The following RIMS2 variants were observed in gnomAD, a reference collection of about 807,000 sequenced individuals.
The protein encoded by RIMS2 is regulating synaptic membrane exocytosis protein 2.
In RIMS2, 59 loss-of-function variants were observed where a neutral mutation model predicts 174.4. That is an observed-to-expected ratio of 0.34 (90% CI 0.27 to 0.42). The LOEUF is 0.42. Among genes scored for constraint, RIMS2 ranks in the 10% least tolerant of loss-of-function variants. The pLI is 1.00. For synonymous variants in RIMS2, 606 were observed against 572.5 expected (o/e 1.06, Z -0.84); for missense variants, 1,620 against 1,666.3 (o/e 0.97, Z 0.48).
chr8:103,638,047 T>C (rs2096129566), intron 1 of RIMS2, among the ~76,000 whole-genome samples: 1 of 152,044 alleles, frequency 6.6e-6, no homozygotes, highest in African/African-American at 2.4e-5. Context: ...ACCACAGTGG[T>C]ATCACATCAT....
intron 19 of RIMS2, among the ~76,000 whole-genome samples, chr8:104,023,366 A>G (rs1223372673): frequency 6.6e-6 from 1 of 152,108 alleles, no homozygotes; most frequent in Non-Finnish European, 1.5e-5. Context: ...AACAGGGAAC[A>G]TTGTTAGAAG....
intron 19 of RIMS2, among the ~76,000 whole-genome samples, chr8:104,190,522 C>T (rs2098992042): frequency 6.6e-6 from 1 of 151,970 alleles, no homozygotes; most frequent in Non-Finnish European, 1.5e-5. Context: ...GCCTGAATTT[C>T]CTTTTTAGGC....
chr8:104,004,582 G>A (rs1354859792), intron 17 of RIMS2, among the ~76,000 whole-genome samples: 1 of 152,158 alleles, frequency 6.6e-6, no homozygotes, highest in Non-Finnish European at 1.5e-5. Context: ...TCAAGAAAGT[G>A]TGAAGGAGAA....
At chr8:103,924,357 A>G (rs932622416) in intron 10 of RIMS2, among the ~76,000 whole-genome samples, 2 of 151,652 alleles carry the variant, frequency 1.3e-5, no homozygotes, top group African/African-American at 4.8e-5. Flanking sequence ...TTTTATTCTT[A>G]TATTTTTGCA....
At chr8:103,670,447 A>G (rs2096730663) in intron 1 of RIMS2, among the ~76,000 whole-genome samples, 1 of 152,240 alleles carries the variant, frequency 6.6e-6, no homozygotes, top group Non-Finnish European at 1.5e-5. Flanking sequence ...TCTTCATAGA[A>G]AATGGGTTTT....
intron 2 of RIMS2, among the ~76,000 whole-genome samples, chr8:103,701,067 A>G (rs2097160997): frequency 6.6e-6 from 1 of 152,022 alleles, no homozygotes; most frequent in South Asian, 2.1e-4. Context: ...TTCTGGCATT[A>G]TTTATTTCTT....
chr8:103,843,197 T>G (rs1286198758), intron 3 of RIMS2, among the ~76,000 whole-genome samples: 1 of 152,210 alleles, frequency 6.6e-6, no homozygotes, highest in Non-Finnish European at 1.5e-5. Flanking sequence ...TAAATCAACA[T>G]ATTTTCATGA....
In RIMS2 at chr8:103,587,693, A is replaced by G. The variant is rs536180677; in HGVS notation, c.176+86631A>G. ...TCATTTTAATTGATGCTGAAAAAGC[A>G]TTTGATAAAATTCAGCATTTCATAA... On this transcript the variant is annotated intron_variant, in intron 1 of 23. Coordinates refer to ENST00000504942, the Ensembl canonical transcript of RIMS2. Among the ~76,000 whole-genome samples, 20 of 152,244 alleles carry G rather than the reference A, an allele frequency of 1.3e-4. No homozygotes were observed. In the South Asian group the frequency reaches 2.5e-3, roughly 19 times the overall value.
chr8:103,849,474 A>G (rs1465725911), intron 3 of RIMS2, among the ~76,000 whole-genome samples: 1 of 152,064 alleles, frequency 6.6e-6, no homozygotes, highest in Non-Finnish European at 1.5e-5. Context: ...GCCTTGGCTA[A>G]TCCTCGCTGT....
chr8:104,089,844 T>TATTTTG (rs1479867836), intron 19 of RIMS2, among the ~76,000 whole-genome samples: 1 of 151,804 alleles, frequency 6.6e-6, no homozygotes, highest in Non-Finnish European at 1.5e-5. Context: ...TTGAATATAT[T>TATTTTG]ATTTTGAATA....
chr8:104,103,419 C>T (rs1274382882), intron 19 of RIMS2, among the ~76,000 whole-genome samples: 1 of 151,974 alleles, frequency 6.6e-6, no homozygotes, highest in Non-Finnish European at 1.5e-5. Context: ...AAAAATGTCT[C>T]CAGAAAAAAG....
intron 19 of RIMS2, among the ~76,000 whole-genome samples, chr8:104,227,805 T>C (rs1049792130): frequency 6.6e-6 from 1 of 152,178 alleles, no homozygotes; most frequent in African/African-American, 2.4e-5. Context: ...TAAAACTGAA[T>C]AAATTAACTC....
At chr8:103,581,537 T>C (rs114705111) in intron 1 of RIMS2, among the ~76,000 whole-genome samples, 3,893 of 152,196 alleles carry the variant, frequency 0.026, 55 homozygotes, top group African/African-American at 0.031. Flanking sequence ...GGAGAAAAAT[T>C]GAAAGCGGTT....
intron 3 of RIMS2, among the ~76,000 whole-genome samples, chr8:103,769,541 G>A (rs1289258559): frequency 2.6e-5 from 4 of 152,176 alleles, no homozygotes; most frequent in Admixed American, 6.5e-5. Flanking sequence ...GGCCAGGCTG[G>A]TCTCATATTC....
At chr8:103,594,950 C>T (rs1588533476) in intron 1 of RIMS2, among the ~76,000 whole-genome samples, 1 of 151,856 alleles carries the variant, frequency 6.6e-6, no homozygotes, top group East Asian at 1.9e-4. Flanking sequence ...ATTATTCATT[C>T]TGAGGTAAAT....
intron 1 of RIMS2, among the ~76,000 whole-genome samples, chr8:103,679,433 A>G (rs750177922): frequency 2.0e-5 from 3 of 152,058 alleles, no homozygotes; most frequent in Non-Finnish European, 4.4e-5. Context: ...AGTGTTGGAA[A>G]TCCTAGTAAA....
chr8:104,145,861 C>CA (rs1297641741), intron 19 of RIMS2, among the ~76,000 whole-genome samples: 7 of 147,600 alleles, frequency 4.7e-5, no homozygotes, highest in South Asian at 2.2e-4. Flanking sequence ...AACTCCATCT[C>CA]AAAAAAAAAG....
chr8:103,759,173 A>G (rs1564534801), intron 2 of RIMS2, among the ~76,000 whole-genome samples: 2 of 152,102 alleles, frequency 1.3e-5, no homozygotes, highest in Non-Finnish European at 2.9e-5. Flanking sequence ...TCTTATTATT[A>G]TTTGAGATCC....
chr8:103,971,198 A>G (rs2092828716), intron 15 of RIMS2, among the ~76,000 whole-genome samples: 1 of 152,222 alleles, frequency 6.6e-6, no homozygotes, highest in African/African-American at 2.4e-5. Context: ...ACACAAATGT[A>G]AATAATTTAT....
Sources: gnomAD v4.1 joint callset for allele counts (sites outside exome capture counted in the v4.1 genomes callset) on GRCh38, gnomAD v4.1.1 for gene constraint, MANE v1.5 for transcripts, NCBI Gene and HGNC (gene_info 2026-07-23, HGNC 2026-07-21) for gene names.